The following PSMA4 variants were observed in gnomAD, a reference collection of about 807,000 sequenced individuals.
PSMA4 encodes proteasome 20S subunit alpha 4, also known as proteasome subunit alpha type-4.
In PSMA4, 8 loss-of-function variants were observed where a neutral mutation model predicts 37.2. The ratio of observed to expected loss-of-function variants is 0.22; its 90% CI spans 0.13 to 0.39. The LOEUF is 0.39. PSMA4 is among the 10% of genes least tolerant of loss of function. PSMA4 has a pLI of 1.00. For missense variants in PSMA4, 169 were observed against 305.1 expected, an observed-to-expected ratio of 0.55 and a Z score of 3.32; for synonymous variants, 93 against 98.8, an observed-to-expected ratio of 0.94 and a Z score of 0.35.
At chr15:78,544,992 G>T in intron 6 of PSMA4, 35 bp downstream of exon 6, 1 of 1,483,884 alleles carries the variant, frequency 6.7e-7, no homozygotes, top group Non-Finnish European at 9.3e-7. Flanking sequence ...ATTCGAAAAA[G>T]TTAAGACATT....
At chr15:78,544,006 T>C (rs1214155693) in intron 4 of PSMA4, 184 bp from the exon 5 acceptor site, 12 of 530,872 alleles carry the variant, frequency 2.3e-5, no homozygotes, top group Non-Finnish European at 3.7e-5. Flanking sequence ...TTATCTTTCA[T>C]GTTGAGTGAC....
At chr15:78,542,294 AC>A (rs1275366936) in intron 3 of PSMA4, 75 bp downstream of exon 3, 1 of 1,496,554 alleles carries the variant, frequency 6.7e-7, no homozygotes, top group African/African-American at 1.4e-5. Context: ...AAAATTACAA[AC>A]TTTTTTTGGT....
Position 78,545,708 on chromosome 15 carries a change from G to C in PSMA4, c.451G>C (p.Asp151His). 1 of 1,613,968 alleles carries C rather than the reference G, an allele frequency of 6.2e-7. No individual in the cohort carries two copies. Among genetic ancestry groups the C allele is most frequent in the Non-Finnish European group, 8.5e-7 (1 of 1,179,842 alleles). ...KHYGFQLYQSDPSGNYGGWKA... is the reference protein window; with the variant it reads ...KHYGFQLYQSHPSGNYGGWKA... ...CTATGGCTTTCAGCTCTATCAGAGT[G>C]ACCCTAGTGGAAATTACGGGGGATG... Residue 151 changes from aspartate (D) to histidine (H), a missense_variant, in exon 7 of 9, where the codon GAC becomes CAC. Physicochemically the swap from Asp to His is moderately conservative, Grantham distance 81. Around this residue, in one of 2 missense-constraint regions of PSMA4, gnomAD observed 79 missense variants for 212.4 expected, o/e 0.37. Coordinates refer to ENST00000044462, the MANE Select transcript of PSMA4 (RefSeq NM_002789.6).
intron 4 of PSMA4, 36 bp downstream of exon 4, chr15:78,542,681 C>G (rs552672825): frequency 1.3e-6 from 2 of 1,547,014 alleles, no homozygotes; most frequent in African/African-American, 1.4e-5. Flanking sequence ...TAAAAAAAAT[C>G]TCACTTTCTC....
intron 8 of PSMA4, among the ~76,000 whole-genome samples, chr15:78,547,174 G>A (rs1251729271): frequency 1.3e-5 from 2 of 152,186 alleles, no homozygotes; most frequent in African/African-American, 4.8e-5. Flanking sequence ...GGCTTAATGA[G>A]GTTAAGTGAG....
chr15:78,545,496 A>G (rs983093621), intron 6 of PSMA4, 138 bp from the exon 7 acceptor site: 4 of 980,010 alleles, frequency 4.1e-6, no homozygotes, highest in Non-Finnish European at 6.1e-6. Flanking sequence ...GAGCTTATCT[A>G]TGGTAGCCAG....
Position 78,544,958 on chromosome 15 carries a change from G to A in PSMA4, c.376+1G>A. On this transcript the variant is annotated splice_donor_variant, in intron 6 of 8. Transcript: ENST00000044462. LOFTEE classifies it high-confidence loss of function. ...AAACAAGCTTATACACAATTTGGAG[G>A]TATTTAATTTTTTTGAAAATTTTAT... is the stretch of plus-strand genomic sequence containing the variant. 2 of 1,592,156 alleles carry A rather than the reference G, an allele frequency of 1.3e-6. No individual in the cohort carries two copies. The highest frequency in any genetic ancestry group is 1.7e-6 in the Non-Finnish European group (2 of 1,168,114).
chr15:78,546,993 T>TGACCTCAGGTGATCCTCCC (rs1367968693), intron 8 of PSMA4, among the ~76,000 whole-genome samples: 8 of 152,328 alleles, frequency 5.3e-5, no homozygotes, highest in African/African-American at 1.9e-4. Flanking sequence ...CATGACCTCC[T>TGACCTCAGGTGATCCTCCC]GACCTCAGGT....
chr15:78,547,204 GT>G (rs1293209134), intron 8 of PSMA4, among the ~76,000 whole-genome samples: 1 of 152,194 alleles, frequency 6.6e-6, no homozygotes, highest in Non-Finnish European at 1.5e-5. Flanking sequence ...ATCAACATTG[GT>G]AAATTGTGGA....
intron 8 of PSMA4, among the ~76,000 whole-genome samples, chr15:78,548,399 A>T (rs900829725): frequency 2.0e-5 from 3 of 151,932 alleles, no homozygotes; most frequent in South Asian, 4.2e-4. Context: ...TTATTTATTT[A>T]TTTTTTTAAG....
chr15:78,544,986 G>A lies in PSMA4; in HGVS notation c.376+29G>A, dbSNP rs545212560. The stretch of plus-strand genomic sequence containing the variant: ...TTTAATTTTTTTGAAAATTTTATTC[G>A]AAAAAGTTAAGACATTTTATGAGTT... On this transcript the variant is annotated intron_variant, in intron 6 of 8. Transcript: ENST00000044462. The A allele has an allele frequency of 1.7e-5, 25 of 1,508,564 alleles. No homozygotes were observed. The East Asian group carries it at 3.6e-4, about 22-fold the overall frequency. The allele number at this position is 1,508,564 out of a possible 1,614,324, so 93.4% of individuals were successfully genotyped here. A position where few individuals can be genotyped will look rare whatever the true frequency, so the allele number is the denominator to read the frequency against.
In PSMA4 at chr15:78,552,218, AAGC is replaced by A. The variant is rs2052652340; in HGVS notation, c.*3276_*3278del. On this transcript the variant is annotated 3_prime_UTR_variant, in exon 9 of 9. Coordinates refer to ENST00000044462, the MANE Select transcript of PSMA4 (RefSeq NM_002789.6). ...TGAACAGGGGCCCATCACTAATAGC[AAGC>A]ATTTCATTAATCTGAGCAAAACTCA... The A allele has an allele frequency of 6.6e-6, 1 of 152,196 alleles. No homozygotes were observed. The highest frequency in any genetic ancestry group is 1.5e-5 in the Non-Finnish European group (1 of 68,040). The allele number at this position is 152,196 out of a possible 1,614,324, so 9.4% of individuals were successfully genotyped here. A position where few individuals can be genotyped will look rare whatever the true frequency, so the allele number is the denominator to read the frequency against.
rs1033739527 is a variant in PSMA4 at position 78,551,446 on chromosome 15, C to G, written c.*2502C>G. On this transcript the variant is annotated 3_prime_UTR_variant, in exon 9 of 9. Transcript: ENST00000044462. ...TTCCTGGGTATCTATTGCCCACTCC[C>G]TCATCTCCAGGTCTCTGCTTGCATG... 2.0e-5 allele frequency: 3 copies of G among 151,950 alleles called. No individual in the cohort carries two copies. The highest frequency in any genetic ancestry group is 7.3e-5 in the African/African-American group (3 of 41,330). The allele number at this position is 151,950 out of a possible 1,614,324, so 9.4% of individuals were successfully genotyped here.
At chr15:78,542,135 C>T in intron 2 of PSMA4, 42 bp from the exon 3 acceptor site, 3 of 1,600,722 alleles carry the variant, frequency 1.9e-6, no homozygotes, top group Non-Finnish European at 2.6e-6. Flanking sequence ...AGTTGGCCTA[C>T]TTTCAGTGGG....
chr15:78,545,943 C>T (rs147865031), intron 7 of PSMA4, among the ~76,000 whole-genome samples, 179 bp downstream of exon 7: 338 of 152,186 alleles, frequency 2.2e-3, no homozygotes, highest in African/African-American at 7.7e-3. Context: ...TACTGGGGTT[C>T]GTTAACTACA....
At chr15:78,547,054 T>C (rs951980747) in intron 8 of PSMA4, among the ~76,000 whole-genome samples, 1 of 152,078 alleles carries the variant, frequency 6.6e-6, no homozygotes, top group Non-Finnish European at 1.5e-5. Context: ...GCGTGAGCCA[T>C]TGCGCCCAGC....
At chr15:78,545,483 A>G (rs2052536157) in intron 6 of PSMA4, 151 bp from the exon 7 acceptor site, 1 of 868,488 alleles carries the variant, frequency 1.2e-6, no homozygotes, top group Admixed American at 2.5e-5. Flanking sequence ...CGAATTTGTA[A>G]TGGAGCTTAT....
intron 5 of PSMA4, 183 bp downstream of exon 5, chr15:78,544,450 A>G (rs2052515424): frequency 3.8e-6 from 2 of 520,654 alleles, no homozygotes; most frequent in Non-Finnish European, 6.8e-6. Flanking sequence ...CAAGTAGCTG[A>G]CCACCACACC....
At position 78,542,661 on chromosome 15, in the gene PSMA4, G is replaced by A; in HGVS notation, c.209+16G>A. 1 of 1,583,324 alleles carries A rather than the reference G, an allele frequency of 6.3e-7. No homozygotes were observed. Among genetic ancestry groups the A allele is most frequent in the Non-Finnish European group, 8.6e-7 (1 of 1,165,470 alleles). ...AACTCAATGAGTAAGTGAGATTTTA[G>A]GAAAGAGTTTAAAAAAAATCTCACT... On this transcript the variant is annotated intron_variant, in intron 4 of 8. Coordinates refer to ENST00000044462, the MANE Select transcript of PSMA4 (RefSeq NM_002789.6).
Sources: allele counts gnomAD v4.1 joint callset (sites outside exome capture counted in the v4.1 genomes callset), GRCh38; gene constraint gnomAD v4.1.1; regional missense constraint gnomAD v4.1.1; transcripts MANE v1.5; gene names NCBI Gene and HGNC (gene_info 2026-07-23, HGNC 2026-07-21).